Variants in C8A observed in about 807,000 individuals in gnomAD.
C8A encodes complement C8 alpha chain.
In C8A, 67 loss-of-function variants were observed where a neutral mutation model predicts 65.3. The ratio of observed to expected loss-of-function variants is 1.03; its 90% CI spans 0.84 to 1.26. The LOEUF (loss-of-function observed/expected upper bound fraction) is 1.26, where lower values mean the gene tolerates loss of function less well. C8A is among the 50% of genes most tolerant of loss of function. The pLI is 0.00. For missense variants in C8A, 781 were observed against 723.9 expected, an observed-to-expected ratio of 1.08 and a Z score of -0.90; for synonymous variants, 290 against 259.4, an observed-to-expected ratio of 1.12 and a Z score of -1.13.
intron 7 of C8A, among the ~76,000 whole-genome samples, chr1:56,904,348 A>T (rs1378812563): frequency 6.6e-6 from 1 of 151,894 alleles, no homozygotes; most frequent in African/African-American, 2.4e-5. Context: ...GAAACAAAAA[A>T]CTCTCGGGAT....
At chr1:56,889,468 C>T (rs1207465300) in intron 7 of C8A, among the ~76,000 whole-genome samples, 1 of 152,182 alleles carries the variant, frequency 6.6e-6, no homozygotes, top group Non-Finnish European at 1.5e-5. Flanking sequence ...AGCTTTCTCT[C>T]TGTCTTATTC....
intron 7 of C8A, among the ~76,000 whole-genome samples, chr1:56,889,684 T>A (rs921519699): frequency 2.0e-5 from 3 of 152,166 alleles, no homozygotes; most frequent in Non-Finnish European, 4.4e-5. Flanking sequence ...TGGCATGGAA[T>A]GATTTAAGTG....
intron 8 of C8A, among the ~76,000 whole-genome samples, chr1:56,907,148 T>C (rs1048008821): frequency 1.3e-5 from 2 of 152,156 alleles, no homozygotes; most frequent in African/African-American, 4.8e-5. Flanking sequence ...TGAGAGAGAA[T>C]ATGGTACCGA....
chr1:56,898,127 A>G (rs1050742333), intron 7 of C8A, among the ~76,000 whole-genome samples: 2 of 152,146 alleles, frequency 1.3e-5, no homozygotes, highest in Non-Finnish European at 2.9e-5. Context: ...AAGGATGAGT[A>G]AAAGGAGATG....
intron 7 of C8A, among the ~76,000 whole-genome samples, chr1:56,894,199 C>A (rs967976124): frequency 5.9e-5 from 9 of 152,112 alleles, no homozygotes; most frequent in Non-Finnish European, 1.0e-4. Context: ...TGAAACATTG[C>A]TCAACTGGGA....
intron 7 of C8A, among the ~76,000 whole-genome samples, chr1:56,902,925 T>C (rs1644437339): frequency 1.3e-5 from 2 of 152,194 alleles, no homozygotes; most frequent in Non-Finnish European, 2.9e-5. Flanking sequence ...CCCTAATCTA[T>C]GGAGAGGAGA....
At chr1:56,876,615 C>A (rs1249073747) in intron 4 of C8A, among the ~76,000 whole-genome samples, 1 of 151,928 alleles carries the variant, frequency 6.6e-6, no homozygotes, top group African/African-American at 2.4e-5. Context: ...TTGCAATAAC[C>A]AGGGCTAATG....
chr1:56,876,652 C>T (rs1014405581), intron 4 of C8A, among the ~76,000 whole-genome samples: 16 of 151,918 alleles, frequency 1.1e-4, no homozygotes, highest in Admixed American at 1.0e-3. Context: ...AGAAAATGGG[C>T]TCAGGGTGAG....
intron 1 of C8A, among the ~76,000 whole-genome samples, chr1:56,862,208 A>G (rs1225716936): frequency 2.0e-5 from 3 of 152,222 alleles, no homozygotes; most frequent in African/African-American, 7.2e-5. Flanking sequence ...TATTCAAAAT[A>G]GTCTTGCAAA....
chr1:56,864,884 T>A (rs1430065489), intron 1 of C8A, among the ~76,000 whole-genome samples: 1 of 152,176 alleles, frequency 6.6e-6, no homozygotes, highest in African/African-American at 2.4e-5. Flanking sequence ...GGTAAGACAT[T>A]ATTTTCCCCT....
At chr1:56,869,716 G>A (rs1234818146) in intron 2 of C8A, among the ~76,000 whole-genome samples, 4 of 152,112 alleles carry the variant, frequency 2.6e-5, no homozygotes, top group African/African-American at 9.7e-5. Flanking sequence ...TCTTTCAGGA[G>A]TAAGGTGATA....
intron 6 of C8A, among the ~76,000 whole-genome samples, chr1:56,885,015 G>A (rs1438164003): frequency 6.6e-6 from 1 of 151,996 alleles, no homozygotes; most frequent in Non-Finnish European, 1.5e-5. Context: ...TCACAATGCA[G>A]TGCTTTGATT....
chr1:56,867,206 G>A (rs563852797), intron 1 of C8A, among the ~76,000 whole-genome samples: 1 of 152,232 alleles, frequency 6.6e-6, no homozygotes, highest in African/African-American at 2.4e-5. Flanking sequence ...GAAAGCTGTA[G>A]TTCAGAGATA....
intron 2 of C8A, among the ~76,000 whole-genome samples, chr1:56,872,376 G>A (rs183734580): frequency 1.3e-5 from 2 of 152,092 alleles, no homozygotes; most frequent in Non-Finnish European, 2.9e-5. Context: ...CTCAGTGCTG[G>A]CCATGTTAAA....
At chr1:56,891,227 G>C (rs1460701942) in intron 7 of C8A, among the ~76,000 whole-genome samples, 2 of 152,078 alleles carry the variant, frequency 1.3e-5, no homozygotes, top group African/African-American at 2.4e-5. Context: ...AGGTGCTCTG[G>C]GTGAGTGGAC....
intron 7 of C8A, among the ~76,000 whole-genome samples, chr1:56,893,052 C>A (rs1313231372): frequency 6.6e-6 from 1 of 152,090 alleles, no homozygotes; most frequent in Non-Finnish European, 1.5e-5. Context: ...TAGGCCCCAT[C>A]AAAGATGGCA....
chr1:56,881,717 C>A, intron 5 of C8A, 83 bp downstream of exon 5: 1 of 1,324,970 alleles, frequency 7.5e-7, no homozygotes, highest in Non-Finnish European at 1.1e-6. Context: ...ATGACTTGCT[C>A]TGGAAGCTTT....
At chr1:56,887,695 G>A (rs549389925) in intron 7 of C8A, among the ~76,000 whole-genome samples, 1 of 152,252 alleles carries the variant, frequency 6.6e-6, no homozygotes, top group Non-Finnish European at 1.5e-5. Flanking sequence ...TAGGTTTACT[G>A]CAGCAGCATT....
rs200106592 is a variant in C8A, at chr1:56,917,563, A to G, written c.1604-2A>G. On this transcript the variant is annotated splice_acceptor_variant, in intron 10 of 10. Coordinates refer to ENST00000361249, the MANE Select transcript of C8A (RefSeq NM_000562.3). LOFTEE classifies it high-confidence loss of function. ...CTCCTCCCTGGGAAATTTCCTCTGC[A>G]GGAGCCAAAGCAGATGGGAGCTGGA... 7 of 1,614,184 alleles carry G rather than the reference A, an allele frequency of 4.3e-6. No homozygotes were observed. The African/African-American group carries it at 8.0e-5, about 18-fold the overall frequency.
Sources: allele counts gnomAD v4.1 joint callset (sites outside exome capture counted in the v4.1 genomes callset), GRCh38; gene constraint gnomAD v4.1.1; transcripts MANE v1.5; gene names NCBI Gene and HGNC (gene_info 2026-07-23, HGNC 2026-07-21).